The following PRKD1 variants were observed in gnomAD, a reference collection of about 807,000 sequenced individuals.
PRKD1 encodes the protein serine/threonine-protein kinase D1.
A neutral mutation model predicts 95.9 loss-of-function variants in PRKD1; 63 were observed. The observed-to-expected ratio is 0.66, with a 90% CI of 0.54 to 0.81. The LOEUF (loss-of-function observed/expected upper bound fraction) is 0.81, where lower values mean the gene tolerates loss of function less well. PRKD1 is among the 30% of genes least tolerant of loss of function. The pLI is 0.00. For missense variants in PRKD1, 1,048 were observed against 1,165.3 expected (o/e 0.90, Z 1.47); for synonymous variants, 425 against 423.1 (o/e 1.00, Z -0.05).
chr14:29,656,027 C>T (rs1334355813), intron 4 of PRKD1, among the ~76,000 whole-genome samples: 1 of 151,940 alleles, frequency 6.6e-6, no homozygotes, highest in African/African-American at 2.4e-5. Flanking sequence ...GGATGGTGTC[C>T]TCACTTTGCA....
intron 1 of PRKD1, among the ~76,000 whole-genome samples, chr14:29,744,258 C>T (rs1213234992): frequency 6.6e-6 from 1 of 152,206 alleles, no homozygotes; most frequent in Admixed American, 6.5e-5. Flanking sequence ...CTCTTTGCTG[C>T]TCCGCATCTC....
In PRKD1 at chr14:29,666,178, C is replaced by A; in HGVS notation, c.434G>T (p.Arg145Leu). Residue 145 changes from arginine (R) to leucine (L), a missense_variant, in exon 3 of 18, where the codon CGT becomes CTT. Around this residue, in one of 3 missense-constraint regions of PRKD1, gnomAD observed 275 missense variants for 248.6 expected, o/e 1.11. Coordinates refer to ENST00000331968, the MANE Select transcript of PRKD1 (RefSeq NM_002742.3). ...TGAATGAACAAAGAGAGCGTGGGGA[C>A]GAATCTGAAAGTCTTCAAAGGTGGC... ...ASATFEDFQIRPHALFVHSYR... is the reference protein window; with the variant it reads ...ASATFEDFQILPHALFVHSYR... The A allele has an allele frequency of 1.9e-6, 3 of 1,597,544 alleles. No homozygotes were observed. The South Asian group carries it at 3.4e-5, about 18-fold the overall frequency.
rs977200799 is a variant in PRKD1, at chr14:29,714,414, T to G, written c.403+11122A>C. On this transcript the variant is annotated intron_variant, in intron 2 of 17. Coordinates refer to ENST00000331968, the MANE Select transcript of PRKD1 (RefSeq NM_002742.3). ...AAATCAAAACCACAATGAGATACCA[T>G]CTCACACCAGTTAGAATAGCAATCA... Among the ~76,000 whole-genome samples, 3 of 152,160 alleles carry G rather than the reference T, an allele frequency of 2.0e-5. No homozygotes were observed. In the East Asian group the frequency reaches 5.8e-4, roughly 29 times the overall value.
chr14:29,845,737 T>C (rs1424287231), intron 1 of PRKD1, among the ~76,000 whole-genome samples: 3 of 152,184 alleles, frequency 2.0e-5, no homozygotes, highest in African/African-American at 7.2e-5. Flanking sequence ...TACGTTAATG[T>C]TCATAGAATA....
intron 1 of PRKD1, among the ~76,000 whole-genome samples, chr14:29,850,248 A>G (rs1212703132): frequency 1.3e-5 from 2 of 152,142 alleles, no homozygotes; most frequent in Non-Finnish European, 2.9e-5. Context: ...ATAGAAAAAG[A>G]AAAAGAATAA....
intron 1 of PRKD1, among the ~76,000 whole-genome samples, chr14:29,820,866 A>G (rs759954474): frequency 6.6e-6 from 1 of 152,226 alleles, no homozygotes; most frequent in Non-Finnish European, 1.5e-5. Context: ...AGACAACATC[A>G]ACAAGGAAAG....
chr14:29,597,674 C>A lies in PRKD1; in HGVS notation c.2251G>T (p.Ala751Ser). Residue 751 changes from alanine (A) to serine (S), a missense_variant, in exon 16 of 18, where the codon GCT becomes TCT. By Grantham distance (99) the Ala-to-Ser change is moderately conservative. Around this residue, in one of 3 missense-constraint regions of PRKD1, gnomAD observed 739 missense variants for 861.9 expected, o/e 0.86. Coordinates refer to ENST00000331968, the MANE Select transcript of PRKD1 (RefSeq NM_002742.3). ...RSVVGTPAYL[A>S]PEVLRNKGYN... ...CCCTTGTTCCTTAGGACCTCAGGAG[C>A]CAGGTAAGCGGGGGTACCCACCACT... 6.2e-7 allele frequency: 1 copy of A among 1,613,994 alleles called. No individual in the cohort carries two copies.
intron 1 of PRKD1, among the ~76,000 whole-genome samples, chr14:29,737,651 G>A (rs1331998585): frequency 6.6e-6 from 1 of 152,110 alleles, no homozygotes; most frequent in Non-Finnish European, 1.5e-5. Flanking sequence ...AGGACACATC[G>A]TGTGATCAAG....
In PRKD1 at chr14:29,611,758, A is replaced by AAC. The variant is rs1555327962; in HGVS notation, c.1906-11942_1906-11941insGT. 3.9e-5 allele frequency among the ~76,000 whole-genome samples: 6 copies of AAC among 152,018 alleles called. No individual in the cohort carries two copies. In the East Asian group the frequency reaches 1.2e-3, roughly 29 times the overall value. Reference sequence around the variant, plus strand: ...TGTGAATTATTACCAAAAAAAAAAAAAACAAACGCTGGAATCTACATGAAG... The same window carrying AAC: ...TGTGAATTATTACCAAAAAAAAAAAAACAACAAACGCTGGAATCTACATGAAG... On this transcript the variant is annotated intron_variant, in intron 13 of 17. Coordinates refer to ENST00000331968, the MANE Select transcript of PRKD1 (RefSeq NM_002742.3).
At chr14:29,624,037 T>C in intron 13 of PRKD1, 115 bp downstream of exon 13, 1 of 675,254 alleles carries the variant, frequency 1.5e-6, no homozygotes, top group Non-Finnish European at 2.4e-6. Flanking sequence ...TCAATTATTT[T>C]AAAGTGTTCC....
chr14:29,757,089 T>C (rs1352297433), intron 1 of PRKD1, among the ~76,000 whole-genome samples: 1 of 152,204 alleles, frequency 6.6e-6, no homozygotes, highest in African/African-American at 2.4e-5. Context: ...AATGAATCAA[T>C]CATGTGTGAA....
At chr14:29,774,341 G>A (rs1458499032) in intron 1 of PRKD1, among the ~76,000 whole-genome samples, 4 of 152,154 alleles carry the variant, frequency 2.6e-5, no homozygotes, top group Admixed American at 2.6e-4. Context: ...TCCTGAAAAC[G>A]TGTACATCAG....
intron 1 of PRKD1, among the ~76,000 whole-genome samples, chr14:29,918,298 T>G (rs2044560876): frequency 1.3e-5 from 2 of 152,072 alleles, no homozygotes; most frequent in South Asian, 4.1e-4. Context: ...CCTGCAGTGT[T>G]ACAAAGGGAA....
chr14:29,730,657 T>C (rs1438131313), intron 1 of PRKD1, among the ~76,000 whole-genome samples: 1 of 151,956 alleles, frequency 6.6e-6, no homozygotes, highest in Non-Finnish European at 1.5e-5. Flanking sequence ...ATATAGAAAA[T>C]GTGGTGTATT....
Position 29,599,659 on chromosome 14 carries a change from A to G in PRKD1, c.2064T>C (p.Thr688=). 1 of 1,608,488 alleles carries G rather than the reference A, an allele frequency of 6.2e-7. No homozygotes were observed. The highest frequency in any genetic ancestry group is 8.5e-7 in the Non-Finnish European group (1 of 1,177,766). ...CCGTCTCTAATTGATTTCTTACCTG[A>G]GTAATTAAAAACTTCGTTATGTGCT... ...LPEHITKFLI[T]QILVALRHLH... The change falls in exon 14 of 18, where the codon ACT becomes ACC. Residue 688 remains threonine (T), a synonymous_variant. Coordinates refer to ENST00000331968, the MANE Select transcript of PRKD1 (RefSeq NM_002742.3).
At chr14:29,826,537 AATATATGTATACATATATATGATGGAAT>A (rs1378116881) in intron 1 of PRKD1, among the ~76,000 whole-genome samples, 33,284 of 97,840 alleles carry the variant, frequency 0.34, 8,953 homozygotes, top group Middle Eastern at 0.43. Flanking sequence ...TATATGATGG[AATATATGTATACATATATATGATGGAAT>A]ATATATATAT....
At chr14:29,833,234 A>G (rs1467724463) in intron 1 of PRKD1, among the ~76,000 whole-genome samples, 1 of 152,140 alleles carries the variant, frequency 6.6e-6, no homozygotes, top group Non-Finnish European at 1.5e-5. Context: ...ATGTGAATGA[A>G]TAAATAGTAT....
chr14:29,594,926 T>A (rs1893248385), intron 16 of PRKD1, among the ~76,000 whole-genome samples: 2 of 152,174 alleles, frequency 1.3e-5, no homozygotes, highest in South Asian at 4.1e-4. Flanking sequence ...GATATCATGA[T>A]GTAATTTAAC....
At chr14:29,605,895 T>C (rs1893686818) in intron 13 of PRKD1, among the ~76,000 whole-genome samples, 1 of 152,238 alleles carries the variant, frequency 6.6e-6, no homozygotes, top group Admixed American at 6.5e-5. Context: ...TATATAGTGA[T>C]AGCCTCTCTT....
Sources: gnomAD v4.1 joint callset for allele counts (sites outside exome capture counted in the v4.1 genomes callset) on GRCh38, gnomAD v4.1.1 for gene constraint, gnomAD v4.1.1 regional missense constraint, MANE v1.5 for transcripts, NCBI Gene and HGNC (gene_info 2026-07-23, HGNC 2026-07-21) for gene names.